Variants in STX18 observed in about 807,000 individuals in gnomAD.
STX18 encodes syntaxin-18.
STX18 carries 40 observed loss-of-function variants against 50.1 expected under a neutral mutation model. That is an observed-to-expected ratio of 0.80 (90% CI 0.62 to 1.04). The LOEUF is 1.04. STX18 is among the 50% of genes least tolerant of loss of function. The pLI is 0.00. For missense variants in STX18, 410 were observed against 415.8 expected (o/e 0.99, Z 0.12); for synonymous variants, 158 against 151.8 (o/e 1.04, Z -0.30).
At chr4:4,439,426 T>C (rs915971845) in intron 5 of STX18, among the ~76,000 whole-genome samples, 1 of 109,384 alleles carries the variant, frequency 9.1e-6, no homozygotes, top group Non-Finnish European at 1.7e-5. Context: ...TATGTATATA[T>C]ACCCCCCACA....
At chr4:4,505,343 A>G (rs1729650650) in intron 1 of STX18, among the ~76,000 whole-genome samples, 1 of 152,248 alleles carries the variant, frequency 6.6e-6, no homozygotes, top group Non-Finnish European at 1.5e-5. Context: ...AATCATATCC[A>G]AAGAATGCTG....
At chr4:4,425,290 G>A (rs377570791) in intron 7 of STX18, 68 bp from the exon 8 acceptor site, 617 of 1,412,146 alleles carry the variant, frequency 4.4e-4, no homozygotes, top group Non-Finnish European at 5.5e-4. Context: ...GCAAGAAAGC[G>A]GACCTACGCT....
At chr4:4,453,602 T>C (rs1297783330) in intron 5 of STX18, 2 of 850,908 alleles carry the variant, frequency 2.4e-6, no homozygotes, top group South Asian at 1.1e-4. Context: ...ATTCACTTTG[T>C]TGCTGTCTGG....
intron 3 of STX18, among the ~76,000 whole-genome samples, chr4:4,458,193 C>T (rs1370872628): frequency 6.6e-6 from 1 of 152,100 alleles, no homozygotes; most frequent in Non-Finnish European, 1.5e-5. Flanking sequence ...GATTTTTACA[C>T]GTGAAGAAAC....
At chr4:4,428,179 G>A (rs951257839) in intron 7 of STX18, among the ~76,000 whole-genome samples, 2 of 152,216 alleles carry the variant, frequency 1.3e-5, no homozygotes, top group Non-Finnish European at 2.9e-5. Context: ...GCATAGTGGT[G>A]GATGTACCAC....
intron 6 of STX18, among the ~76,000 whole-genome samples, chr4:4,436,950 CTTTTTTTTTTTTTTTTT>C (rs34174730): frequency 8.6e-6 from 1 of 116,764 alleles, no homozygotes; most frequent in Non-Finnish European, 1.8e-5. Context: ...TCCAGACTCA[CTTTTTTTTTTTTTTTTT>C]TTTTTTTTTG....
At chr4:4,507,028 A>T in intron 1 of STX18, 1 of 417,760 alleles carries the variant, frequency 2.4e-6, no homozygotes, top group Non-Finnish European at 4.6e-6. Flanking sequence ...AATAACACTT[A>T]AATTTTTAAA....
At chr4:4,460,194 G>T (rs1430531412) in intron 2 of STX18, among the ~76,000 whole-genome samples, 1 of 152,104 alleles carries the variant, frequency 6.6e-6, no homozygotes, top group Non-Finnish European at 1.5e-5. Context: ...TTCCACAAAG[G>T]CAAGGACTTC....
intron 5 of STX18, among the ~76,000 whole-genome samples, chr4:4,440,784 A>G (rs761883481): frequency 1.6e-4 from 25 of 152,230 alleles, no homozygotes; most frequent in Non-Finnish European, 2.1e-4. Context: ...CACTGTTATC[A>G]ATCTTTTTAA....
intron 7 of STX18, among the ~76,000 whole-genome samples, chr4:4,429,642 G>A (rs926622223): frequency 2.0e-5 from 3 of 152,106 alleles, no homozygotes; most frequent in African/African-American, 4.8e-5. Context: ...CCCTCACCTC[G>A]ATCCCCTATG....
intron 2 of STX18, among the ~76,000 whole-genome samples, chr4:4,466,069 C>T (rs73201712): frequency 6.1e-4 from 93 of 152,160 alleles, no homozygotes; most frequent in Non-Finnish European, 1.2e-3. Flanking sequence ...GAAGTGATTA[C>T]GAACAAATTA....
intron 8 of STX18, among the ~76,000 whole-genome samples, 169 bp downstream of exon 8, chr4:4,424,995 T>A (rs1032619535): frequency 2.0e-5 from 3 of 151,646 alleles, no homozygotes; most frequent in Non-Finnish European, 4.4e-5. Context: ...GCTGAGGGAG[T>A]TGTGGATTCA....
chr4:4,516,301 C>T (rs1730266545), intron 1 of STX18, among the ~76,000 whole-genome samples: 1 of 152,144 alleles, frequency 6.6e-6, no homozygotes, highest in South Asian at 2.1e-4. Flanking sequence ...TTCTCAAATT[C>T]CCTGGGGTAT....
chr4:4,498,233 A>AT (rs957436632), intron 1 of STX18, among the ~76,000 whole-genome samples: 48 of 150,246 alleles, frequency 3.2e-4, no homozygotes, highest in South Asian at 2.1e-3. Flanking sequence ...TTCTTTTTAG[A>AT]TTTTTTTTTT....
At chr4:4,447,476 A>G (rs1187326869) in intron 5 of STX18, among the ~76,000 whole-genome samples, 1 of 151,346 alleles carries the variant, frequency 6.6e-6, no homozygotes, top group Non-Finnish European at 1.5e-5. Flanking sequence ...CTGTAGTCCC[A>G]GCTACTCGGG....
intron 1 of STX18, among the ~76,000 whole-genome samples, chr4:4,490,697 CA>C (rs1037703675): frequency 6.6e-6 from 1 of 151,990 alleles, no homozygotes; most frequent in Non-Finnish European, 1.5e-5. Flanking sequence ...CTCTTAAAAA[CA>C]AAAAACTTCA....
At chr4:4,507,830 A>G in intron 1 of STX18, 1 of 739,312 alleles carries the variant, frequency 1.4e-6, no homozygotes, top group Non-Finnish European at 2.2e-6. Flanking sequence ...AAAAAAAAAA[A>G]AAAAAAAGTT....
At chr4:4,539,906 C>T (rs373128793) in intron 1 of STX18, among the ~76,000 whole-genome samples, 4 of 152,304 alleles carry the variant, frequency 2.6e-5, no homozygotes, top group African/African-American at 9.6e-5. Flanking sequence ...CCCAAATCCC[C>T]CCTTTCCCTG....
At chr4:4,457,069 T>C in intron 5 of STX18, 122 bp downstream of exon 5, 2 of 890,736 alleles carry the variant, frequency 2.2e-6, no homozygotes, top group South Asian at 1.6e-5. Flanking sequence ...GCGCCAGCTA[T>C]GGCATTTTGC....
Sources: gnomAD v4.1 joint callset for allele counts (sites outside exome capture counted in the v4.1 genomes callset) on GRCh38, gnomAD v4.1.1 for gene constraint, MANE v1.5 for transcripts, NCBI Gene and HGNC (gene_info 2026-07-23, HGNC 2026-07-21) for gene names.